PCDH9: variants seen among roughly 807,000 people sequenced by gnomAD.
PCDH9 encodes the protein protocadherin 9.
In PCDH9, 24 loss-of-function variants were observed where a neutral mutation model predicts 70.6. That is an observed-to-expected ratio of 0.34 (90% CI 0.25 to 0.48). The LOEUF (loss-of-function observed/expected upper bound fraction) is 0.48. PCDH9 is among the 20% of genes least tolerant of loss of function. The pLI is 0.99. For missense variants in PCDH9, 1,281 were observed against 1,503.6 expected (o/e 0.85, Z 2.45); for synonymous variants, 562 against 558.5 (o/e 1.01, Z -0.09).
chr13:66,740,692 A>G (rs996901001), intron 3 of PCDH9, among the ~76,000 whole-genome samples: 16 of 151,942 alleles, frequency 1.1e-4, no homozygotes, highest in Non-Finnish European at 1.3e-4. Flanking sequence ...ACAAACTACC[A>G]TCAGAGAATA....
intron 2 of PCDH9, among the ~76,000 whole-genome samples, chr13:67,039,812 A>T (rs2085077378): frequency 6.6e-6 from 1 of 152,194 alleles, no homozygotes; most frequent in African/African-American, 2.4e-5. Context: ...AAGTTGAACA[A>T]AAGTGTGGGT....
intron 4 of PCDH9, among the ~76,000 whole-genome samples, chr13:66,572,793 T>C (rs945892522): frequency 3.9e-5 from 6 of 152,140 alleles, no homozygotes; most frequent in African/African-American, 1.4e-4. Flanking sequence ...AGGGCCTTGC[T>C]GTATCACTCA....
intron 4 of PCDH9, among the ~76,000 whole-genome samples, chr13:66,574,214 G>A (rs1213763058): frequency 6.6e-6 from 1 of 152,158 alleles, no homozygotes; most frequent in Non-Finnish European, 1.5e-5. Context: ...CGATATTAAT[G>A]AGCAACAACT....
chr13:66,392,664 T>C (rs1957039042), intron 4 of PCDH9, among the ~76,000 whole-genome samples: 1 of 152,146 alleles, frequency 6.6e-6, no homozygotes, highest in Non-Finnish European at 1.5e-5. Context: ...TCCTGGGCAG[T>C]CTACATTTCG....
chr13:67,139,176 T>C (rs917609633), intron 2 of PCDH9, among the ~76,000 whole-genome samples: 1 of 152,200 alleles, frequency 6.6e-6, no homozygotes, highest in Non-Finnish European at 1.5e-5. Context: ...AGTAATAACA[T>C]AACCATCTGA....
chr13:67,217,885 A>G (rs1331057216), intron 2 of PCDH9: 2 of 152,102 alleles, frequency 1.3e-5, no homozygotes, highest in African/African-American at 4.8e-5. Flanking sequence ...TGCATCATCT[A>G]TCTTGAATAA....
chr13:66,727,583 T>C (rs1406246182), intron 3 of PCDH9, among the ~76,000 whole-genome samples: 1 of 152,114 alleles, frequency 6.6e-6, no homozygotes, highest in African/African-American at 2.4e-5. Flanking sequence ...GGCCAAAATA[T>C]TACTATGTTT....
chr13:66,703,268 C>CT (rs1261490978), intron 3 of PCDH9, among the ~76,000 whole-genome samples: 1 of 152,192 alleles, frequency 6.6e-6, no homozygotes, highest in South Asian at 2.1e-4. Flanking sequence ...AAGCCAAATA[C>CT]TTTCTTCCAA....
intron 2 of PCDH9, among the ~76,000 whole-genome samples, chr13:67,022,340 C>T (rs1223843130): frequency 5.3e-5 from 8 of 151,600 alleles, no homozygotes; most frequent in Non-Finnish European, 8.8e-5. Context: ...AGGCTGGTCT[C>T]GAACTCCCGA....
intron 2 of PCDH9, among the ~76,000 whole-genome samples, chr13:67,132,471 A>C (rs1380242591): frequency 1.3e-5 from 2 of 152,140 alleles, no homozygotes; most frequent in Non-Finnish European, 2.9e-5. Context: ...TCTCTAGTGT[A>C]TTTACCAACC....
intron 2 of PCDH9, among the ~76,000 whole-genome samples, chr13:67,036,700 C>T (rs749803219): frequency 6.6e-6 from 1 of 152,118 alleles, no homozygotes; most frequent in Admixed American, 6.6e-5. Context: ...ATGATCATCC[C>T]TTGCCAACAT....
intron 3 of PCDH9, among the ~76,000 whole-genome samples, chr13:66,723,400 C>A (rs1425080521): frequency 1.3e-5 from 2 of 152,074 alleles, no homozygotes; most frequent in Non-Finnish European, 2.9e-5. Flanking sequence ...AAATTTTCAA[C>A]AGGGCATAGC....
intron 3 of PCDH9, among the ~76,000 whole-genome samples, chr13:66,702,971 T>G (rs773601994): frequency 1.3e-5 from 2 of 152,190 alleles, no homozygotes; most frequent in Non-Finnish European, 2.9e-5. Context: ...AAAATATATA[T>G]TGATCTGTGT....
At chr13:66,470,549 T>C (rs963614428) in intron 4 of PCDH9, among the ~76,000 whole-genome samples, 1 of 152,012 alleles carries the variant, frequency 6.6e-6, no homozygotes, top group African/African-American at 2.4e-5. Flanking sequence ...AGTTTAACTG[T>C]GTAGAGAAGC....
intron 4 of PCDH9, among the ~76,000 whole-genome samples, chr13:66,401,454 T>C (rs1234003734): frequency 1.3e-5 from 2 of 152,016 alleles, no homozygotes; most frequent in African/African-American, 4.8e-5. Context: ...TCCTGAGGCC[T>C]CCCTAGCCAG....
At chr13:66,669,951 G>A (rs886124652) in intron 3 of PCDH9, among the ~76,000 whole-genome samples, 5 of 151,754 alleles carry the variant, frequency 3.3e-5, no homozygotes, top group Non-Finnish European at 5.9e-5. Context: ...TTGTTTTTTT[G>A]TAAATGAGGC....
intron 2 of PCDH9, among the ~76,000 whole-genome samples, chr13:67,192,765 G>T (rs1338926452): frequency 1.3e-5 from 2 of 152,148 alleles, no homozygotes; most frequent in Non-Finnish European, 1.5e-5. Context: ...AAGAGGGATA[G>T]TCCTTTCTTT....
rs111365277 is a variant in PCDH9, at chr13:66,878,352, G to A, written c.3138+25152C>T. ...AGCGATTCTCCTGCCTCAGCCTCCC[G>A]AGCAGCTGGGATTACAGGGGCCCGC... On this transcript the variant is annotated intron_variant, in intron 3 of 4. Coordinates refer to ENST00000377865, the MANE Select transcript of PCDH9 (RefSeq NM_203487.3). Among the ~76,000 whole-genome samples, 25 of 151,772 alleles carry A rather than the reference G, an allele frequency of 1.6e-4. 1 individual carries two copies. The highest frequency in any genetic ancestry group is 3.2e-4 in the Non-Finnish European group (22 of 67,920).
chr13:66,981,938 T>C (rs1388740563), intron 2 of PCDH9, among the ~76,000 whole-genome samples: 1 of 152,152 alleles, frequency 6.6e-6, no homozygotes, highest in Admixed American at 6.5e-5. Flanking sequence ...ATAATTGATA[T>C]TGTTTGGATA....
Sources: allele counts gnomAD v4.1 joint callset (sites outside exome capture counted in the v4.1 genomes callset), GRCh38; gene constraint gnomAD v4.1.1; transcripts MANE v1.5; gene names NCBI Gene and HGNC (gene_info 2026-07-23, HGNC 2026-07-21).